The following CD109 variants were observed in gnomAD, a reference collection of about 807,000 sequenced individuals.
CD109 encodes CD109 antigen.
In CD109, 149 loss-of-function variants were observed where a neutral mutation model predicts 165.8. The ratio of observed to expected loss-of-function variants is 0.90; its 90% confidence interval spans 0.79 to 1.03. The LOEUF is 1.03. Ranked by LOEUF, CD109 falls within the 50% of genes least tolerant of loss-of-function variation. The probability of loss-of-function intolerance (pLI) is 0.00; values close to 1 mark genes in which losing one functional copy is unlikely to be tolerated. For missense variants in CD109, 1,712 were observed against 1,677.8 expected, an observed-to-expected ratio of 1.02 and a Z score of -0.36; for synonymous variants, 585 against 592.1, an observed-to-expected ratio of 0.99 and a Z score of 0.18.
rs1773877961 is a variant in CD109 at position 73,766,968 on chromosome 6, G to T, written c.1455G>T (p.Leu485Phe). 1 of 1,613,012 alleles carries T rather than the reference G, an allele frequency of 6.2e-7. No homozygotes were observed. The highest frequency in any genetic ancestry group is 1.1e-5 in the South Asian group (1 of 90,946). The change falls in exon 13 of 33, where the codon TTG becomes TTT. Residue 485 changes from leucine (L) to phenylalanine (F), a missense_variant. Leu to Phe is a conservative substitution (Grantham distance 22). Coordinates refer to ENST00000287097, the MANE Select transcript of CD109 (RefSeq NM_133493.5). ...TCTAGGTGGGATCGCCTTTTGAGTT[G>T]GTGGTTAGTGGCAACAAACGATTGA... ...ENIKVGSPFE[L>F]VVSGNKRLKE...
chr6:73,695,883 G>C, upstream of CD109: 2 of 361,832 alleles, frequency 5.5e-6, no homozygotes, highest in Non-Finnish European at 1.0e-5. Flanking sequence ...GAACCCGGTG[G>C]GCCGGGGAAG....
intron 2 of CD109, among the ~76,000 whole-genome samples, chr6:73,697,895 G>A (rs72953369): frequency 0.032 from 4,945 of 152,214 alleles, 112 homozygotes; most frequent in East Asian, 0.073. Context: ...TATGGGATAG[G>A]CCTAGAAATA....
chr6:73,745,932 A>C (rs1429831132), intron 5 of CD109, among the ~76,000 whole-genome samples: 2 of 151,722 alleles, frequency 1.3e-5, no homozygotes, highest in African/African-American at 4.8e-5. Flanking sequence ...GTTTCGCCAC[A>C]TTGGCCAGGC....
rs775728564 is a variant in CD109, at chr6:73,730,532, A to G, written c.465A>G (p.Ser155=). 1.4e-5 allele frequency: 23 copies of G among 1,613,956 alleles called. No individual in the cohort carries two copies. In the Admixed American group the frequency reaches 1.8e-4, roughly 13 times the overall value. ...EVKFRIVTLF[S]DFKPYKTSLN... ...AGTTTCGCATTGTTACACTCTTCTC[A>G]GATTTTAAGCCTTACAAAACCTCTT... is the stretch of plus-strand genomic sequence containing the variant. Residue 155 remains serine (S), a synonymous_variant, in exon 4 of 33, where the codon TCA becomes TCG. Coordinates refer to ENST00000287097, the MANE Select transcript of CD109 (RefSeq NM_133493.5).
At chr6:73,683,384 C>A in the CD109 span, among the ~76,000 whole-genome samples, 1 of 152,190 alleles carries the variant, frequency 6.6e-6, no homozygotes, top group African/African-American at 2.4e-5. Flanking sequence ...CACCTTTGCT[C>A]CAGTTCCCAA....
intron 28 of CD109, among the ~76,000 whole-genome samples, chr6:73,811,791 T>G (rs1166132169): frequency 3.9e-5 from 6 of 152,120 alleles, no homozygotes. Flanking sequence ...TGAAGAGTGG[T>G]GATGATAAAG....
intron 2 of CD109, among the ~76,000 whole-genome samples, chr6:73,704,024 A>C (rs1268508981): frequency 6.6e-6 from 1 of 152,066 alleles, no homozygotes; most frequent in Non-Finnish European, 1.5e-5. Context: ...GTCTCTACCA[A>C]AAACACAAAA....
upstream of CD109, among the ~76,000 whole-genome samples, chr6:73,691,470 G>T (rs1045157265): frequency 6.6e-6 from 1 of 152,170 alleles, no homozygotes; most frequent in Non-Finnish European, 1.5e-5. Context: ...CCACAGTCAG[G>T]CCTGTAGCTC....
chr6:73,791,132 CATACATATATATATATATATATAT>C (rs1327645749), intron 22 of CD109, among the ~76,000 whole-genome samples: 1 of 46,826 alleles, frequency 2.1e-5, no homozygotes. Flanking sequence ...TATATACATA[CATACATATATATATATATATATAT>C]ATATATATAT....
intron 32 of CD109, among the ~76,000 whole-genome samples, chr6:73,821,467 G>C (rs941530148): frequency 6.6e-6 from 1 of 152,070 alleles, no homozygotes; most frequent in Non-Finnish European, 1.5e-5. Context: ...ACAGGTCATC[G>C]ACCTAGGTGC....
At chr6:73,696,156 C>T, upstream of CD109, 1 of 1,500,128 alleles carries the variant, frequency 6.7e-7, no homozygotes, top group South Asian at 1.2e-5. Context: ...GCAAGCCACA[C>T]CCCACGGTGC....
At chr6:73,805,580 T>G (rs766611310) in intron 24 of CD109, among the ~76,000 whole-genome samples, 5 of 152,214 alleles carry the variant, frequency 3.3e-5, no homozygotes, top group Admixed American at 6.5e-5. Flanking sequence ...TTTACGGGTG[T>G]TGGGCTGGGG....
At chr6:73,691,749 C>T (rs1770696052), upstream of CD109, among the ~76,000 whole-genome samples, 1 of 152,224 alleles carries the variant, frequency 6.6e-6, no homozygotes, top group African/African-American at 2.4e-5. Flanking sequence ...CCTACCAGCT[C>T]CCATGATTGC....
In CD109 at chr6:73,818,474, T is replaced by A; in HGVS notation, c.3998T>A (p.Leu1333Gln). The A allele has an allele frequency of 6.2e-7, 1 of 1,613,642 alleles. No individual in the cohort carries two copies. Among genetic ancestry groups the A allele is most frequent in the Non-Finnish European group, 8.5e-7 (1 of 1,179,872 alleles). ...GFMVPSEAISLSETVKKVEYD... is the reference protein window; with the variant it reads ...GFMVPSEAISQSETVKKVEYD... ...ATGGTGCCTTCAGAAGCAATTTCTC[T>A]GAGCGAGACAGTGAAGAAAGTGGAA... Residue 1333 changes from leucine (L) to glutamine (Q), a missense_variant, in exon 31 of 33, where the codon CTG (leucine) becomes CAG (glutamine). Leu to Gln is a moderately radical substitution (Grantham distance 113). Coordinates refer to ENST00000287097, the MANE Select transcript of CD109 (RefSeq NM_133493.5).
intron 15 of CD109, among the ~76,000 whole-genome samples, chr6:73,779,397 C>G (rs1279624413): frequency 6.6e-6 from 1 of 151,928 alleles, no homozygotes; most frequent in East Asian, 1.9e-4. Context: ...TACAGGCGCC[C>G]ACCACTACGC....
chr6:73,754,922 T>C (rs1479101259), intron 5 of CD109, among the ~76,000 whole-genome samples: 1 of 152,254 alleles, frequency 6.6e-6, no homozygotes, highest in Non-Finnish European at 1.5e-5. Context: ...TCTCTAATGC[T>C]GAGGACTGTG....
intron 22 of CD109, among the ~76,000 whole-genome samples, chr6:73,791,153 A>G (rs866591749): frequency 6.2e-5 from 2 of 32,058 alleles, no homozygotes; most frequent in African/African-American, 2.6e-4. Flanking sequence ...ATATATATAT[A>G]TATATATATA....
intron 23 of CD109, among the ~76,000 whole-genome samples, chr6:73,798,000 T>G (rs1775227673): frequency 6.6e-6 from 1 of 152,202 alleles, no homozygotes; most frequent in South Asian, 2.1e-4. Flanking sequence ...AGAGCTATGT[T>G]TTTGCTTTTC....
intron 1 of CD109, 119 bp from the exon 2 acceptor site, chr6:73,697,281 G>A: frequency 1.2e-6 from 1 of 800,672 alleles, no homozygotes; most frequent in Admixed American, 2.7e-5. Flanking sequence ...AATGTTAACG[G>A]AAACAACTGC....
Sources: gnomAD v4.1 joint callset for allele counts (sites outside exome capture counted in the v4.1 genomes callset) on GRCh38, gnomAD v4.1.1 for gene constraint, MANE v1.5 for transcripts, NCBI Gene and HGNC (gene_info 2026-07-23, HGNC 2026-07-21) for gene names.